The following RBM19 variants were observed in gnomAD, a reference collection of about 807,000 sequenced individuals.
The protein encoded by RBM19 is probable RNA-binding protein 19.
In RBM19, 94 loss-of-function variants were observed where a neutral mutation model predicts 116.8. The observed-to-expected ratio is 0.80, with a 90% CI of 0.68 to 0.95. The LOEUF (loss-of-function observed/expected upper bound fraction) is 0.95. Ranked by LOEUF, RBM19 falls within the 40% of genes least tolerant of loss-of-function variation. RBM19 has a pLI of 0.00. For missense variants in RBM19, 1,161 were observed against 1,220.7 expected (o/e 0.95, Z 0.73); for synonymous variants, 475 against 494.1 (o/e 0.96, Z 0.51).
intron 7 of RBM19, among the ~76,000 whole-genome samples, chr12:113,954,182 A>C (rs973856093): frequency 2.6e-5 from 4 of 152,206 alleles, no homozygotes; most frequent in African/African-American, 9.6e-5. Flanking sequence ...GTTCCCAGTA[A>C]ATGATTGCTT....
intron 1 of RBM19, among the ~76,000 whole-genome samples, chr12:113,963,431 A>G (rs555522417): frequency 6.6e-6 from 1 of 152,198 alleles, no homozygotes; most frequent in Non-Finnish European, 1.5e-5. Context: ...AACAGCCAAA[A>G]TAAGTTTGAA....
chr12:113,817,594 G>A (rs1305617514), downstream of RBM19: 2 of 152,300 alleles, frequency 1.3e-5, no homozygotes, highest in East Asian at 1.9e-4. Flanking sequence ...TTCTGGGGAC[G>A]AAACAGGCAG....
At chr12:113,866,157 CCTT>C (rs1180684777) in intron 21 of RBM19, among the ~76,000 whole-genome samples, 1 of 152,132 alleles carries the variant, frequency 6.6e-6, no homozygotes, top group Non-Finnish European at 1.5e-5. Context: ...TCTTGCTCTC[CCTT>C]CTTAGAGTGC....
rs747092088 is a variant in RBM19 at position 113,947,410 on chromosome 12, C to A, written c.1331G>T (p.Gly444Val). 1.2e-6 allele frequency: 2 copies of A among 1,610,894 alleles called. No homozygotes were observed. Among genetic ancestry groups the A allele is most frequent in the East Asian group, 2.2e-5 (1 of 44,830 alleles). ...PIDSLTKKPKGFAFITFMFPE... is the reference protein window; with the variant it reads ...PIDSLTKKPKVFAFITFMFPE... ...GAACATGAAGGTGATGAATGCAAAA[C>A]CCTTGGGTTTCTTGGTCAGGCTGTC... The change falls in exon 11 of 24, where the codon GGT (glycine) becomes GTT (valine). Residue 444 changes from glycine to valine, a missense_variant. Gly to Val is a moderately radical substitution (Grantham distance 109, BLOSUM62 -3). Transcript: ENST00000261741.
chr12:113,837,015 AC>A (rs1875999372), intron 23 of RBM19, among the ~76,000 whole-genome samples: 1 of 146,452 alleles, frequency 6.8e-6, no homozygotes, highest in Non-Finnish European at 1.5e-5. Flanking sequence ...ACACACACAC[AC>A]ACACACACAC....
chr12:113,870,293 T>A (rs1341166548), intron 21 of RBM19, among the ~76,000 whole-genome samples: 1 of 152,180 alleles, frequency 6.6e-6, no homozygotes, highest in Non-Finnish European at 1.5e-5. Context: ...GCCGCTCAAC[T>A]TCGCAGCACC....
At chr12:113,818,938 C>A (rs369694734), downstream of RBM19, among the ~76,000 whole-genome samples, 3 of 152,224 alleles carry the variant, frequency 2.0e-5, no homozygotes, top group South Asian at 6.2e-4. Context: ...GCCCTCCTCA[C>A]CCATCCAGGG....
intron 21 of RBM19, among the ~76,000 whole-genome samples, chr12:113,904,424 T>C (rs139641590): frequency 4.3e-4 from 65 of 152,350 alleles, no homozygotes; most frequent in African/African-American, 1.5e-3. Flanking sequence ...CAGGGTTTTA[T>C]AGCTGGGAAG....
At position 113,892,253 on chromosome 12, in the gene RBM19, G is replaced by A. The variant is rs531026701; in HGVS notation, c.2558+22716C>T. Among the ~76,000 whole-genome samples the A allele has an allele frequency of 8.5e-5, 13 of 152,188 alleles. No individual in the cohort carries two copies. In the South Asian group the frequency reaches 2.5e-3, roughly 29 times the overall value. On this transcript the variant is annotated intron_variant, in intron 21 of 23. Coordinates refer to ENST00000261741, the MANE Select transcript of RBM19 (RefSeq NM_016196.4). ...TCGGTTCTGCCACTTAACCAGCCAC[G>A]AGACCTCAGGTGAGTCACTTAACCT...
chr12:113,920,890 C>T (rs1868495757), intron 18 of RBM19, among the ~76,000 whole-genome samples, 200 bp from the exon 19 acceptor site: 2 of 152,180 alleles, frequency 1.3e-5, no homozygotes, highest in African/African-American at 4.8e-5. Flanking sequence ...GTTAACATGG[C>T]TGCCACCTGA....
At chr12:113,820,585 C>T (rs556912586), downstream of RBM19, among the ~76,000 whole-genome samples, 7 of 152,126 alleles carry the variant, frequency 4.6e-5, no homozygotes, top group Non-Finnish European at 8.8e-5. Context: ...ATCCAGCTCA[C>T]GGATCAGTCA....
intron 2 of RBM19, among the ~76,000 whole-genome samples, chr12:113,960,784 C>T (rs1451888140): frequency 6.6e-6 from 1 of 152,198 alleles, no homozygotes; most frequent in East Asian, 1.9e-4. Context: ...CATCTGGCTC[C>T]AGAGAACAAT....
At chr12:113,918,083 G>C (rs981511625) in intron 20 of RBM19, among the ~76,000 whole-genome samples, 1 of 151,074 alleles carries the variant, frequency 6.6e-6, no homozygotes. Context: ...TTTATCCCAA[G>C]ATGAGTGTTG....
At chr12:113,849,310 T>C (rs1415763829) in intron 22 of RBM19, among the ~76,000 whole-genome samples, 2 of 152,258 alleles carry the variant, frequency 1.3e-5, no homozygotes, top group African/African-American at 2.4e-5. Context: ...ACTCAGTCAA[T>C]GTTCACAAAG....
intron 21 of RBM19, among the ~76,000 whole-genome samples, chr12:113,904,782 T>C (rs1216838628): frequency 1.3e-5 from 2 of 152,054 alleles, no homozygotes; most frequent in African/African-American, 4.8e-5. Flanking sequence ...GAGGAGAGGA[T>C]GTGTGTGTGT....
intron 21 of RBM19, among the ~76,000 whole-genome samples, chr12:113,900,994 G>C (rs765491709): frequency 1.3e-5 from 2 of 152,194 alleles, no homozygotes; most frequent in Non-Finnish European, 2.9e-5. Context: ...AGAATCTGGA[G>C]AGACACAGAT....
chr12:113,836,031 C>T (rs1274577108), intron 23 of RBM19, among the ~76,000 whole-genome samples: 10 of 152,216 alleles, frequency 6.6e-5, no homozygotes, highest in African/African-American at 9.6e-5. Context: ...TTCTCGATGC[C>T]GTGACCCTGC....
intron 12 of RBM19, among the ~76,000 whole-genome samples, chr12:113,946,134 G>A (rs559111986): frequency 6.6e-6 from 1 of 152,270 alleles, no homozygotes; most frequent in Admixed American, 6.5e-5. Flanking sequence ...CTGTGTCAGG[G>A]ACTAAGAACT....
chr12:113,958,661 C>A (rs1872191820), intron 5 of RBM19, among the ~76,000 whole-genome samples: 1 of 152,140 alleles, frequency 6.6e-6, no homozygotes, highest in African/African-American at 2.4e-5. Flanking sequence ...CATCTTCTCA[C>A]CTTTAGACCC....
Sources: allele counts gnomAD v4.1 joint callset (sites outside exome capture counted in the v4.1 genomes callset), GRCh38; gene constraint gnomAD v4.1.1; transcripts MANE v1.5; gene names NCBI Gene and HGNC (gene_info 2026-07-23, HGNC 2026-07-21).